Variants in SMYD3 observed in about 807,000 individuals in gnomAD.
SMYD3 encodes the protein SET and MYND domain containing 3.
Under a neutral mutation model 57.7 loss-of-function variants are expected in SMYD3, and 36 were observed. That is an observed-to-expected ratio of 0.62 (90% CI 0.48 to 0.82). The LOEUF (loss-of-function observed/expected upper bound fraction) is 0.82, where lower values mean the gene tolerates loss of function less well. Among genes scored for constraint, SMYD3 ranks in the 40% least tolerant of loss-of-function variants. The probability of loss-of-function intolerance (pLI) is 0.00; values close to 1 mark genes in which losing one functional copy is unlikely to be tolerated. For missense variants in SMYD3, 515 were observed against 538.8 expected (o/e 0.96, Z 0.44); for synonymous variants, 211 against 195.0 (o/e 1.08, Z -0.68).
chr1:246,074,040 T>A (rs1386632025), intron 5 of SMYD3, among the ~76,000 whole-genome samples: 1 of 152,220 alleles, frequency 6.6e-6, no homozygotes, highest in Non-Finnish European at 1.5e-5. Flanking sequence ...GCAAACTTTC[T>A]TAAAACATAA....
intron 1 of SMYD3, among the ~76,000 whole-genome samples, chr1:246,504,744 T>G (rs1351828054): frequency 6.6e-6 from 1 of 152,214 alleles, no homozygotes. Flanking sequence ...ATACTAAAAC[T>G]AAGGGCTTAC....
At chr1:246,217,331 A>G (rs775674045) in intron 5 of SMYD3, among the ~76,000 whole-genome samples, 1 of 152,106 alleles carries the variant, frequency 6.6e-6, no homozygotes, top group Non-Finnish European at 1.5e-5. Flanking sequence ...AGCCAGGGTA[A>G]CGTAGGGAGA....
At chr1:246,016,339 T>G (rs2059376374) in intron 5 of SMYD3, among the ~76,000 whole-genome samples, 1 of 151,886 alleles carries the variant, frequency 6.6e-6, no homozygotes. Flanking sequence ...TCCCAACATT[T>G]TGGGAGGCCG....
chr1:246,304,893 C>A (rs1420750002), intron 5 of SMYD3, among the ~76,000 whole-genome samples: 2 of 152,166 alleles, frequency 1.3e-5, no homozygotes, highest in Non-Finnish European at 2.9e-5. Flanking sequence ...AGACATGAAA[C>A]TTTCATCTTT....
At chr1:246,195,790 G>A (rs1159542909) in intron 5 of SMYD3, among the ~76,000 whole-genome samples, 1 of 152,136 alleles carries the variant, frequency 6.6e-6, no homozygotes, top group African/African-American at 2.4e-5. Flanking sequence ...TGGGTGAAGG[G>A]TTCTTACATA....
At chr1:246,398,158 T>C (rs1466663860) in intron 1 of SMYD3, among the ~76,000 whole-genome samples, 2 of 152,208 alleles carry the variant, frequency 1.3e-5, no homozygotes, top group Non-Finnish European at 2.9e-5. Context: ...TGGCTGGTTA[T>C]GGTCTAACTA....
intron 5 of SMYD3, among the ~76,000 whole-genome samples, chr1:246,209,005 C>T (rs1342781366): frequency 6.6e-6 from 1 of 151,914 alleles, no homozygotes; most frequent in Non-Finnish European, 1.5e-5. Context: ...GAAATGAGGG[C>T]AACTAATTTA....
intron 5 of SMYD3, among the ~76,000 whole-genome samples, chr1:245,966,950 G>C (rs184991839): frequency 7.2e-5 from 11 of 152,034 alleles, no homozygotes; most frequent in Non-Finnish European, 1.5e-5. Flanking sequence ...GCTTCTCATC[G>C]ATATCCACCA....
chr1:245,879,521 C>G (rs545681025), intron 8 of SMYD3, among the ~76,000 whole-genome samples: 1 of 152,186 alleles, frequency 6.6e-6, no homozygotes, highest in Non-Finnish European at 1.5e-5. Flanking sequence ...GAGACAGAGT[C>G]GCTGCTTCAA....
intron 5 of SMYD3, among the ~76,000 whole-genome samples, chr1:246,295,159 A>C (rs752742186): frequency 2.4e-4 from 36 of 152,096 alleles, no homozygotes; most frequent in Non-Finnish European, 4.7e-4. Flanking sequence ...TTCTAATAGC[A>C]GCACCAGAAC....
intron 5 of SMYD3, among the ~76,000 whole-genome samples, chr1:246,293,190 G>A (rs1056538822): frequency 6.6e-6 from 1 of 151,402 alleles, no homozygotes; most frequent in Non-Finnish European, 1.5e-5. Flanking sequence ...ATGGGTCCCT[G>A]ACCTAGTGGA....
chr1:246,048,566 G>T (rs2060009593), intron 5 of SMYD3, among the ~76,000 whole-genome samples: 1 of 152,104 alleles, frequency 6.6e-6, no homozygotes, highest in South Asian at 2.1e-4. Context: ...GTATTTTGCT[G>T]CAGTGAGATG....
chr1:246,405,674 C>T (rs540139584), intron 1 of SMYD3, among the ~76,000 whole-genome samples: 131 of 152,066 alleles, frequency 8.6e-4, no homozygotes, highest in Non-Finnish European at 8.1e-4. Context: ...TTTGGGAGGC[C>T]GAGGCGGGCG....
chr1:246,036,760 T>C (rs1365887891), intron 5 of SMYD3, among the ~76,000 whole-genome samples: 1 of 148,114 alleles, frequency 6.8e-6, no homozygotes, highest in East Asian at 2.1e-4. Flanking sequence ...GAGATGGGGT[T>C]TCACCATCTT....
intron 5 of SMYD3, among the ~76,000 whole-genome samples, chr1:246,269,627 G>T (rs1277381822): frequency 6.7e-6 from 1 of 149,684 alleles, no homozygotes; most frequent in African/African-American, 2.5e-5. Context: ...ACAGTGCAGT[G>T]GTGCAATCAC....
chr1:246,168,817 G>T (rs6695318), intron 5 of SMYD3, among the ~76,000 whole-genome samples: 10,766 of 152,114 alleles, frequency 0.071, 541 homozygotes, highest in African/African-American at 0.13. Context: ...CTGCCAATAT[G>T]CTTTTGCCGT....
intron 5 of SMYD3, among the ~76,000 whole-genome samples, chr1:246,011,228 CA>C: frequency 6.6e-6 from 1 of 152,278 alleles, no homozygotes; most frequent in East Asian, 1.9e-4. Flanking sequence ...AAGAAATTGC[CA>C]AAGGTTGAAA....
intron 5 of SMYD3, among the ~76,000 whole-genome samples, chr1:246,101,351 C>G (rs1007880051): frequency 8.5e-5 from 13 of 152,052 alleles, no homozygotes; most frequent in African/African-American, 3.1e-4. Context: ...CCTTTAAATG[C>G]TGCTTAAAAT....
chr1:245,799,129 G>C lies in SMYD3; in HGVS notation c.1077-34980C>G, dbSNP rs938297183. Among the ~76,000 whole-genome samples the C allele has an allele frequency of 3.9e-5, 6 of 152,230 alleles. No individual in the cohort carries two copies. The South Asian group carries it at 1.2e-3, about 32-fold the overall frequency. On this transcript the variant is annotated intron_variant, in intron 10 of 11. Transcript: ENST00000490107. ...CTCCCAGAGAGGAATCAGAGCTATA[G>C]GTGACAGCTCCTTATTCCTATTAGG...
Sources: gnomAD v4.1 joint callset for allele counts (sites outside exome capture counted in the v4.1 genomes callset) on GRCh38, gnomAD v4.1.1 for gene constraint, MANE v1.5 for transcripts, NCBI Gene and HGNC (gene_info 2026-07-23, HGNC 2026-07-21) for gene names.